Variants in DLC1 observed in about 807,000 individuals in gnomAD.
DLC1 encodes rho GTPase-activating protein 7.
DLC1 carries 54 observed loss-of-function variants against 140.3 expected under a neutral mutation model. That is an observed-to-expected ratio of 0.38 (90% CI 0.31 to 0.48). The LOEUF is 0.48. Ranked by LOEUF, DLC1 falls within the 20% of genes least tolerant of loss-of-function variation. The pLI is 0.96. For synonymous variants in DLC1, 986 were observed against 728.1 expected (o/e 1.35, Z -5.70); for missense variants, 2,536 against 1,907.0 (o/e 1.33, Z -6.14).
chr8:13,578,722 A>C (rs1804935383), intron 1 of DLC1, among the ~76,000 whole-genome samples: 1 of 152,174 alleles, frequency 6.6e-6, no homozygotes, highest in Admixed American at 6.5e-5. Flanking sequence ...GAAGAGATGC[A>C]CAGGGCAAGG....
chr8:13,324,045 T>G (rs112787078), intron 4 of DLC1, among the ~76,000 whole-genome samples: 2 of 152,228 alleles, frequency 1.3e-5, no homozygotes, highest in African/African-American at 4.8e-5. Context: ...GGGACAGATC[T>G]GTTACTTAAG....
At chr8:13,106,713 C>G (rs972225215) in intron 7 of DLC1, among the ~76,000 whole-genome samples, 6 of 152,224 alleles carry the variant, frequency 3.9e-5, no homozygotes, top group African/African-American at 1.4e-4. Context: ...TTGCATGGCT[C>G]AGGCATCTGA....
intron 5 of DLC1, among the ~76,000 whole-genome samples, chr8:13,235,217 G>T (rs939081413): frequency 2.0e-5 from 3 of 152,034 alleles, no homozygotes; most frequent in African/African-American, 7.2e-5. Flanking sequence ...CTTCTATTTG[G>T]CAGGTGAAAA....
chr8:13,492,201 G>T (rs1417620404), intron 2 of DLC1, among the ~76,000 whole-genome samples: 2 of 150,946 alleles, frequency 1.3e-5, no homozygotes, highest in Non-Finnish European at 2.9e-5. Context: ...TCCACCTCTA[G>T]CCTGTTGGAG....
At chr8:13,139,916 T>C (rs1222432882) in intron 5 of DLC1, among the ~76,000 whole-genome samples, 1 of 152,370 alleles carries the variant, frequency 6.6e-6, no homozygotes, top group Non-Finnish European at 1.5e-5. Context: ...ATATAAAATT[T>C]ACCATTTTAA....
rs1554514503 is a variant in DLC1 at position 13,406,198 on chromosome 8, T to TC, written c.1024-4580dup. Reference sequence around the variant, plus strand: ...ATTTTTGTGTTTTTTTTTTTTTTTTTCAGTGGAGACAGGGTTTCACTGTGT... The same window carrying TC: ...ATTTTTGTGTTTTTTTTTTTTTTTTTCCAGTGGAGACAGGGTTTCACTGTGT... On this transcript the variant is annotated intron_variant, in intron 2 of 17. Transcript: ENST00000276297. Among the ~76,000 whole-genome samples the TC allele has an allele frequency of 2.0e-4, 28 of 142,640 alleles. No homozygotes were observed. The East Asian group carries it at 3.0e-3, about 15-fold the overall frequency. 93.6% of individuals were successfully genotyped at this position (142,640 alleles called of 152,430 possible).
intron 4 of DLC1, among the ~76,000 whole-genome samples, chr8:13,380,094 A>T (rs73205739): frequency 0.13 from 19,877 of 152,078 alleles, 1,451 homozygotes; most frequent in Non-Finnish European, 0.17. Flanking sequence ...CCTCCTCACC[A>T]CCACTCCCAT....
intron 1 of DLC1, among the ~76,000 whole-genome samples, chr8:13,526,503 G>A (rs1420815640): frequency 6.6e-6 from 1 of 151,996 alleles, no homozygotes; most frequent in East Asian, 1.9e-4. Context: ...TTTACTGTAA[G>A]AATATTGTAT....
In DLC1 at chr8:13,098,579, C is replaced by A. The variant is rs199980849; in HGVS notation, c.2991-4G>T. 1.9e-6 allele frequency: 3 copies of A among 1,612,004 alleles called. No individual in the cohort carries two copies. The highest frequency in any genetic ancestry group is 2.5e-6 in the Non-Finnish European group (3 of 1,179,078). On this transcript the variant is annotated splice_region_variant and splice_polypyrimidine_tract_variant and intron_variant, in intron 9 of 17. Transcript: ENST00000276297. ...ACTGTGCCATCTCAGTCGGTGCCTG[C>A]GAGAGAAGAGGAGAGGAAAATGAGT... is the stretch of plus-strand genomic sequence containing the variant.
At chr8:13,219,730 G>A (rs1266937233) in intron 5 of DLC1, among the ~76,000 whole-genome samples, 1 of 151,938 alleles carries the variant, frequency 6.6e-6, no homozygotes, top group Non-Finnish European at 1.5e-5. Flanking sequence ...GTATAAGAAT[G>A]TTCATTGCAG....
At chr8:13,426,496 T>G (rs1360047694) in intron 2 of DLC1, among the ~76,000 whole-genome samples, 1 of 152,190 alleles carries the variant, frequency 6.6e-6, no homozygotes, top group East Asian at 1.9e-4. Context: ...ATAAAACCCT[T>G]GACACTCTAA....
chr8:13,459,891 G>C (rs7818084), intron 2 of DLC1, among the ~76,000 whole-genome samples: 3,653 of 152,262 alleles, frequency 0.024, 55 homozygotes, highest in Non-Finnish European at 0.034. Context: ...TGAGTAGGAG[G>C]GTGGCCTGGT....
At chr8:13,344,430 T>C (rs1586172794) in intron 4 of DLC1, among the ~76,000 whole-genome samples, 1 of 151,938 alleles carries the variant, frequency 6.6e-6, no homozygotes, top group Non-Finnish European at 1.5e-5. Flanking sequence ...GAGGTGGAGG[T>C]TGCAGTGAGC....
chr8:13,590,933 A>G (rs1361798522), intron 1 of DLC1, among the ~76,000 whole-genome samples: 1 of 152,104 alleles, frequency 6.6e-6, no homozygotes, highest in East Asian at 1.9e-4. Context: ...AAATCAAAAT[A>G]TTTTATATTT....
chr8:13,478,752 TA>T (rs140686865), intron 2 of DLC1, among the ~76,000 whole-genome samples: 1 of 152,200 alleles, frequency 6.6e-6, no homozygotes, highest in African/African-American at 2.4e-5. Context: ...ACAATTATTT[TA>T]AAAAAATCCC....
intron 1 of DLC1, among the ~76,000 whole-genome samples, chr8:13,505,203 A>G (rs1343637654): frequency 1.3e-5 from 2 of 152,218 alleles, no homozygotes; most frequent in Admixed American, 6.5e-5. Flanking sequence ...TGCAAATAGT[A>G]AACATTAAAT....
At chr8:13,156,718 G>A (rs1304786768) in intron 5 of DLC1, among the ~76,000 whole-genome samples, 1 of 152,074 alleles carries the variant, frequency 6.6e-6, no homozygotes. Flanking sequence ...GAGAATGTTC[G>A]CAACTCAAAA....
chr8:13,336,810 AAATATAAATGGATATT>A (rs1435443580), intron 4 of DLC1, among the ~76,000 whole-genome samples: 1 of 152,208 alleles, frequency 6.6e-6, no homozygotes, highest in African/African-American at 2.4e-5. Context: ...TATGCCACCC[AAATATAAATGGATATT>A]ATTGCTATGT....
chr8:13,373,961 C>T (rs1254879706), intron 4 of DLC1, among the ~76,000 whole-genome samples: 1 of 151,960 alleles, frequency 6.6e-6, no homozygotes, highest in African/African-American at 2.4e-5. Context: ...GCATAATTTC[C>T]AGATTTGCAA....
Sources: gnomAD v4.1 joint callset for allele counts (sites outside exome capture counted in the v4.1 genomes callset) on GRCh38, gnomAD v4.1.1 for gene constraint, MANE v1.5 for transcripts, NCBI Gene and HGNC (gene_info 2026-07-23, HGNC 2026-07-21) for gene names.